ZNF689: variants seen among roughly 807,000 people sequenced by gnomAD.
The protein encoded by ZNF689 is short ORF-encoded histone-binding protein.
Under a neutral mutation model 37.2 loss-of-function variants are expected in ZNF689, and 14 were observed. The ratio of observed to expected loss-of-function variants is 0.38; its 90% CI spans 0.25 to 0.59. ZNF689 has a LOEUF of 0.59. Among genes scored for constraint, ZNF689 ranks in the 20% least tolerant of loss-of-function variants. ZNF689 has a pLI of 0.68. For synonymous variants in ZNF689, 277 were observed against 283.3 expected (o/e 0.98, Z 0.22); for missense variants, 573 against 700.2 (o/e 0.82, Z 2.05).
At chr16:30,607,889 G>A (rs2052051234) in intron 2 of ZNF689, among the ~76,000 whole-genome samples, 1 of 152,166 alleles carries the variant, frequency 6.6e-6, no homozygotes, top group Non-Finnish European at 1.5e-5. Context: ...TTGAAACCGG[G>A]AGCAAGAGGT....
At chr16:30,608,122 C>T (rs987776626) in intron 2 of ZNF689, among the ~76,000 whole-genome samples, 6 of 152,184 alleles carry the variant, frequency 3.9e-5, no homozygotes, top group African/African-American at 4.8e-5. Flanking sequence ...CCCTAGTGCC[C>T]GCTTTGGATT....
Position 30,610,072 on chromosome 16 carries a change from C to G in ZNF689, c.-31G>C, listed in dbSNP as rs529224317. The stretch of plus-strand genomic sequence containing the variant: ...CCGAGAAGCCGGCGCCACGGCCTTC[C>G]GTGTCCAGGCCTCGGCCCTCGGGCG... On this transcript the variant is annotated 5_prime_UTR_variant, in exon 1 of 3. Coordinates refer to ENST00000287461, the MANE Select transcript of ZNF689 (RefSeq NM_138447.3). The G allele has an allele frequency of 6.4e-7, 1 of 1,557,084 alleles. No homozygotes were observed. Among genetic ancestry groups the G allele is most frequent in the East Asian group, 2.4e-5 (1 of 41,568 alleles).
At position 30,603,006 on chromosome 16, in the gene ZNF689, T is replaced by G. The variant is rs748046583; in HGVS notation, c.*1258A>C. 23 of 152,260 alleles carry G rather than the reference T, an allele frequency of 1.5e-4. No homozygotes were observed. Among genetic ancestry groups the G allele is most frequent in the Non-Finnish European group, 2.9e-4 (20 of 68,060 alleles). The allele number at this position is 152,260 out of a possible 1,614,324, so 9.4% of individuals were successfully genotyped here. A position where few individuals can be genotyped will look rare whatever the true frequency, so the allele number is the denominator to read the frequency against. ...TGACTATAGACTCTTCCTCTCTGGATTCAGTTCCCTCTTTCTAGCCTCCTT... is the reference window on the plus strand; with the variant it reads ...TGACTATAGACTCTTCCTCTCTGGAGTCAGTTCCCTCTTTCTAGCCTCCTT... On this transcript the variant is annotated 3_prime_UTR_variant, in exon 3 of 3. Coordinates refer to ENST00000287461, the MANE Select transcript of ZNF689 (RefSeq NM_138447.3).
chr16:30,607,302 G>GT (rs1447384752), intron 2 of ZNF689, among the ~76,000 whole-genome samples: 10 of 143,128 alleles, frequency 7.0e-5, no homozygotes, highest in Admixed American at 1.4e-4. Flanking sequence ...TGTTAGAAAC[G>GT]TAAGTCCCAG....
Position 30,610,354 on chromosome 16 carries a change from C to G in ZNF689, c.-313G>C. On this transcript the variant is annotated 5_prime_UTR_variant, in exon 1 of 3. Transcript: ENST00000287461. The stretch of plus-strand genomic sequence containing the variant: ...GATTTTATTGACCGGAGCGCCATGC[C>G]GGCTTCCTAACCTCTTTGCCCTCAA... The G allele has an allele frequency of 2.6e-6, 1 of 380,004 alleles. No homozygotes were observed. Among genetic ancestry groups the G allele is most frequent in the South Asian group, 3.8e-5 (1 of 26,610 alleles). The allele number at this position is 380,004 out of a possible 1,614,324, so 23.5% of individuals were successfully genotyped here.
Position 30,604,842 on chromosome 16 carries a change from G to C in ZNF689, c.925C>G (p.Arg309Gly). Residue 309 changes from arginine (R) to glycine (G), a missense_variant, in exon 3 of 3, where the codon CGC (arginine) becomes GGC (glycine). Arg to Gly is a moderately radical substitution (Grantham distance 125, BLOSUM62 -2). Transcript: ENST00000287461. The surrounding 1 kb of genome is among the most constrained non-coding windows in gnomAD (Gnocchi z 5.2). ...RQRTALVIHQ[R>G]IHTGEKPYPC... is the part of the protein sequence containing the mutation. ...TAGGGCTTCTCGCCCGTGTGGATGC[G>C]CTGGTGGATGACGAGGGCCGTGCGC... 6.2e-7 allele frequency: 1 copy of C among 1,600,148 alleles called. No homozygotes were observed. The highest frequency in any genetic ancestry group is 8.5e-7 in the Non-Finnish European group (1 of 1,173,134).
rs1054896877 is a variant in ZNF689, at chr16:30,610,101, G to T, written c.-60C>A. The T allele has an allele frequency of 6.6e-7, 1 of 1,518,910 alleles. No homozygotes were observed. Among genetic ancestry groups the T allele is most frequent in the African/African-American group, 1.4e-5 (1 of 72,048 alleles). The allele number at this position is 1,518,910 out of a possible 1,614,324, so 94.1% of individuals were successfully genotyped here. ...TCCAGGCCTCGGCCCTCGGGCGCTG[G>T]CGGCCCCTGGGATCGAGGAGCCCCT... is the stretch of plus-strand genomic sequence containing the variant. On this transcript the variant is annotated 5_prime_UTR_variant, in exon 1 of 3. Transcript: ENST00000287461.
intron 2 of ZNF689, among the ~76,000 whole-genome samples, chr16:30,607,563 C>T (rs942380110): frequency 3.3e-5 from 5 of 151,898 alleles, no homozygotes; most frequent in Admixed American, 3.3e-4. Context: ...TACACTCCAG[C>T]CTGGGTGGAA....
rs900378258 is a variant in ZNF689, at chr16:30,609,728, C to T, written c.206-90G>A. On this transcript the variant is annotated intron_variant, in intron 1 of 2. Transcript: ENST00000287461. ...GCACCTCCTGCTAAGCCCCTGCCCA[C>T]CTCCCCTGACAACCTGGTCGCCTGC... The T allele has an allele frequency of 4.4e-6, 7 of 1,587,582 alleles. No homozygotes were observed. In the African/African-American group the frequency reaches 6.7e-5, roughly 15 times the overall value.
chr16:30,603,924 T>C lies in ZNF689; in HGVS notation c.*340A>G, dbSNP rs1040146553. 2 of 423,236 alleles carry C rather than the reference T, an allele frequency of 4.7e-6. No individual in the cohort carries two copies. Among genetic ancestry groups the C allele is most frequent in the Non-Finnish European group, 9.1e-6 (2 of 218,834 alleles). 26.2% of individuals were successfully genotyped at this position (423,236 alleles called of 1,614,324 possible). A position where few individuals can be genotyped will look rare whatever the true frequency, so the allele number is the denominator to read the frequency against. ...AGGTCCTGCCCCTATGAGATTCTCC[T>C]GATTGCATGCAAGATGACAGGTAAT... On this transcript the variant is annotated 3_prime_UTR_variant, in exon 3 of 3. Coordinates refer to ENST00000287461, the MANE Select transcript of ZNF689 (RefSeq NM_138447.3).
Position 30,604,176 on chromosome 16 carries a change from T to C in ZNF689, c.*88A>G, listed in dbSNP as rs563600502. The C allele has an allele frequency of 3.1e-5, 44 of 1,436,726 alleles. No homozygotes were observed. The highest frequency in any genetic ancestry group is 3.5e-4 in the Middle Eastern group (2 of 5,756). 89.0% of individuals were successfully genotyped at this position (1,436,726 alleles called of 1,614,324 possible). A position where few individuals can be genotyped will look rare whatever the true frequency, so the allele number is the denominator to read the frequency against. On this transcript the variant is annotated 3_prime_UTR_variant, in exon 3 of 3. Transcript: ENST00000287461. This position sits in a 1 kb window ranked among gnomAD's most constrained non-coding sequence, Gnocchi z 5.2. ...GCAGCAGGAGACCCGGGTTTAGTTC[T>C]GACTCTGCCCTGTATGACCTGGGGC...
At chr16:30,610,566 T>G (rs2151247156), upstream of ZNF689, 1 of 156,244 alleles carries the variant, frequency 6.4e-6, no homozygotes, top group Non-Finnish European at 1.4e-5. Context: ...CTACAAGGAG[T>G]TGTGAAGCGA....
At position 30,604,036 on chromosome 16, in the gene ZNF689, G is replaced by T; in HGVS notation, c.*228C>A. The T allele has an allele frequency of 1.4e-6, 1 of 692,854 alleles. No homozygotes were observed. The highest frequency in any genetic ancestry group is 2.8e-5 in the East Asian group (1 of 36,106). 42.9% of individuals were successfully genotyped at this position (692,854 alleles called of 1,614,324 possible). ...CCTGATATCCACACAAACTATTTTA[G>T]GATAGGGTAGCTTGGAAAACTTTAA... On this transcript the variant is annotated 3_prime_UTR_variant, in exon 3 of 3. Coordinates refer to ENST00000287461, the MANE Select transcript of ZNF689 (RefSeq NM_138447.3). The surrounding 1 kb of genome is among the most constrained non-coding windows in gnomAD (Gnocchi z 5.2).
rs1358061450 is a variant in ZNF689 at position 30,603,681 on chromosome 16, G to A, written c.*583C>T. 3 of 168,886 alleles carry A rather than the reference G, an allele frequency of 1.8e-5. No individual in the cohort carries two copies. The highest frequency in any genetic ancestry group is 4.8e-5 in the African/African-American group (2 of 41,724). The allele number at this position is 168,886 out of a possible 1,614,324, so 10.5% of individuals were successfully genotyped here. A position where few individuals can be genotyped will look rare whatever the true frequency, so the allele number is the denominator to read the frequency against. On this transcript the variant is annotated 3_prime_UTR_variant, in exon 3 of 3. Transcript: ENST00000287461. ...TTATCTGAAGGGCTGCTATGTAGAT[G>A]AAGTATTAAACATGTCGTAGGCAAG... is the stretch of plus-strand genomic sequence containing the variant.
At position 30,605,191 on chromosome 16, in the gene ZNF689, C is replaced by A. The variant is rs1164416642; in HGVS notation, c.576G>T (p.Leu192=). 4 of 1,614,046 alleles carry A rather than the reference C, an allele frequency of 2.5e-6. No individual in the cohort carries two copies. The highest frequency in any genetic ancestry group is 3.4e-6 in the Non-Finnish European group (4 of 1,180,044). ...CGRRFSYPSL[L]VSHRRAHSGE... ...CGGAGTGTGCCCGCCGGTGACTGAC[C>A]AGCAGGGATGGATAGGAAAAGCGGC... The change falls in exon 3 of 3, where the codon CTG becomes CTT. Residue 192 remains leucine (L), a synonymous_variant. Coordinates refer to ENST00000287461, the MANE Select transcript of ZNF689 (RefSeq NM_138447.3). The surrounding 1 kb of genome is among the most constrained non-coding windows in gnomAD (Gnocchi z 5.1).
At chr16:30,609,753 C>A in intron 1 of ZNF689, 84 bp downstream of exon 1, 1 of 1,572,546 alleles carries the variant, frequency 6.4e-7, no homozygotes, top group Non-Finnish European at 8.6e-7. Context: ...TGGTCGCCTG[C>A]CAGGACCGTG....
intron 2 of ZNF689, among the ~76,000 whole-genome samples, chr16:30,607,731 A>G (rs1388452376): frequency 1.3e-5 from 2 of 152,162 alleles, no homozygotes; most frequent in Non-Finnish European, 2.9e-5. Context: ...GCACTTTGGA[A>G]GGCCAAGGCA....
chr16:30,607,964 A>T (rs1161580776), intron 2 of ZNF689, among the ~76,000 whole-genome samples: 1 of 152,212 alleles, frequency 6.6e-6, no homozygotes, highest in Non-Finnish European at 1.5e-5. Flanking sequence ...TCCGTCTCAC[A>T]CACACACAAA....
rs2052019189 is a variant in ZNF689, at chr16:30,604,794, G to A, written c.973C>T (p.Arg325Cys). 6.2e-7 allele frequency: 1 copy of A among 1,609,312 alleles called. No homozygotes were observed. ...KPYPCPDCER[R>C]FSSSSRLVSH... ...ACCAGGCGAGAGGAGGAGGAGAAGC[G>A]CCGCTCGCAGTCCGGGCACGGGTAG... Residue 325 changes from arginine (R) to cysteine (C), a missense_variant, in exon 3 of 3, where the codon CGC becomes TGC. Physicochemically the swap from Arg to Cys is radical, Grantham distance 180 (BLOSUM62 -3). This residue lies in a region of ZNF689 where 317 missense variants were observed against 367.1 expected (regional missense o/e 0.86). Transcript: ENST00000287461. The surrounding 1 kb of genome is among the most constrained non-coding windows in gnomAD (Gnocchi z 5.2).
Sources: gnomAD v4.1 joint callset for allele counts (sites outside exome capture counted in the v4.1 genomes callset) on GRCh38, gnomAD v4.1.1 for gene constraint, gnomAD v4.1.1 regional missense constraint, Gnocchi (gnomAD v3.1) non-coding constraint, MANE v1.5 for transcripts, NCBI Gene and HGNC (gene_info 2026-07-23, HGNC 2026-07-21) for gene names.